PSMC1: variants seen among roughly 807,000 people sequenced by gnomAD.
The protein encoded by PSMC1 is 26S proteasome regulatory subunit 4.
In PSMC1, 5 loss-of-function variants were observed where a neutral mutation model predicts 49.8. That is an observed-to-expected ratio of 0.10 (90% CI 0.05 to 0.21). PSMC1 has a LOEUF of 0.21. Among genes scored for constraint, PSMC1 ranks in the 10% least tolerant of loss-of-function variants. PSMC1 has a pLI of 1.00. For synonymous variants in PSMC1, 155 were observed against 192.1 expected (o/e 0.81, Z 1.60); for missense variants, 181 against 535.7 (o/e 0.34, Z 6.54).
chr14:90,260,276 G>C, intron 3 of PSMC1, 65 bp downstream of exon 3: 1 of 1,222,574 alleles, frequency 8.2e-7, no homozygotes, highest in Non-Finnish European at 1.2e-6. Flanking sequence ...TGTGCATGTA[G>C]CTTAGAGTCT....
intron 1 of PSMC1, 45 bp from the exon 2 acceptor site, chr14:90,259,115 G>A: frequency 1.9e-6 from 3 of 1,587,238 alleles, no homozygotes; most frequent in Non-Finnish European, 2.6e-6. Context: ...CTTTTGAAGT[G>A]ATCATATTCT....
In PSMC1 at chr14:90,275,322, G is replaced by C. The variant is rs770997594; in HGVS notation, c.*2915G>C. The C allele has an allele frequency of 1.3e-5, 2 of 152,114 alleles. No homozygotes were observed. Among genetic ancestry groups the C allele is most frequent in the African/African-American group, 4.8e-5 (2 of 41,420 alleles). 9.4% of individuals were successfully genotyped at this position (152,114 alleles called of 1,614,324 possible). ...CCTGTTCAGTGTCTGTATCGTGGGC[G>C]GGTAGCAGACTCTCAGCAACTGACT... On this transcript the variant is annotated 3_prime_UTR_variant, in exon 11 of 11. Transcript: ENST00000261303.
Position 90,272,167 on chromosome 14 carries a change from T to G in PSMC1, c.1189-106T>G, listed in dbSNP as rs752575477. On this transcript the variant is annotated intron_variant, in intron 10 of 10. Transcript: ENST00000261303. The surrounding 1 kb of genome is among the most constrained non-coding windows in gnomAD (Gnocchi z 4.5). ...CCTCGGCCTCCCAGAGTGCTGGGATTACAGGTGTGAGCCACCGCGCCTGGC... is the reference window on the plus strand; with the variant it reads ...CCTCGGCCTCCCAGAGTGCTGGGATGACAGGTGTGAGCCACCGCGCCTGGC... 4.6e-6 allele frequency: 6 copies of G among 1,298,596 alleles called. No homozygotes were observed. Among genetic ancestry groups the G allele is most frequent in the Non-Finnish European group, 6.4e-6 (6 of 939,592 alleles). 80.4% of individuals were successfully genotyped at this position (1,298,596 alleles called of 1,614,324 possible). A position where few individuals can be genotyped will look rare whatever the true frequency, so the allele number is the denominator to read the frequency against.
intron 10 of PSMC1, chr14:90,270,893 T>G (rs1891643521): frequency 6.6e-6 from 1 of 152,314 alleles, no homozygotes; most frequent in Non-Finnish European, 1.5e-5. Context: ...AGCTGGGTTT[T>G]CGTTGGGCAT....
rs1035968029 is a variant in PSMC1, at chr14:90,270,557, G to A, written c.1188+205G>A. ...TGCATCATTTTATGCAGTGAATGAC[G>A]CTAAATCACCTGGAGCCACAAGGCT... On this transcript the variant is annotated intron_variant, in intron 10 of 10. Coordinates refer to ENST00000261303, the MANE Select transcript of PSMC1 (RefSeq NM_002802.3). 3.7e-5 allele frequency: 20 copies of A among 544,630 alleles called. No individual in the cohort carries two copies. The South Asian group carries it at 4.8e-4, about 13-fold the overall frequency. The allele number at this position is 544,630 out of a possible 1,614,324, so 33.7% of individuals were successfully genotyped here.
In PSMC1 at chr14:90,272,155, G is replaced by C; in HGVS notation, c.1189-118G>C. Reference sequence around the variant, plus strand: ...GCGATCCACCTGCCTCGGCCTCCCAGAGTGCTGGGATTACAGGTGTGAGCC... The same window carrying C: ...GCGATCCACCTGCCTCGGCCTCCCACAGTGCTGGGATTACAGGTGTGAGCC... On this transcript the variant is annotated intron_variant, in intron 10 of 10. Transcript: ENST00000261303. This position sits in a 1 kb window ranked among gnomAD's most constrained non-coding sequence, Gnocchi z 4.5. 8.7e-7 allele frequency: 1 copy of C among 1,146,298 alleles called. No individual in the cohort carries two copies. The highest frequency in any genetic ancestry group is 1.2e-6 in the Non-Finnish European group (1 of 815,450). The allele number at this position is 1,146,298 out of a possible 1,614,324, so 71.0% of individuals were successfully genotyped here.
Position 90,269,496 on chromosome 14 carries a change from TATC to T in PSMC1, c.984_986del (p.Ile328del). 6.2e-7 allele frequency: 1 copy of T among 1,614,026 alleles called. No homozygotes were observed. Among genetic ancestry groups the T allele is most frequent in the Non-Finnish European group, 8.5e-7 (1 of 1,179,972 alleles). ...TTGATTCTAGGGGAGATGTGAAAGT[TATC>T]ATGGCCACAAACCGAATAGAAACTT... On this transcript the variant is annotated inframe_deletion, in exon 9 of 11. Coordinates refer to ENST00000261303, the MANE Select transcript of PSMC1 (RefSeq NM_002802.3).
At chr14:90,264,692 GA>G (rs1246699183) in intron 6 of PSMC1, among the ~76,000 whole-genome samples, 1 of 152,236 alleles carries the variant, frequency 6.6e-6, no homozygotes, top group East Asian at 1.9e-4. Context: ...AGGCAGCTGA[GA>G]AATAGCTGTA....
Position 90,274,834 on chromosome 14 carries a change from A to ACCCC in PSMC1, c.*2428_*2429insCCCC, listed in dbSNP as rs1374244227. 1.1e-4 allele frequency: 6 copies of ACCCC among 54,354 alleles called. No homozygotes were observed. The East Asian group carries it at 2.4e-3, about 22-fold the overall frequency. The allele number at this position is 54,354 out of a possible 1,614,324, so 3.4% of individuals were successfully genotyped here. On this transcript the variant is annotated 3_prime_UTR_variant, in exon 11 of 11. Transcript: ENST00000261303. ...CACACACACACACACACACACACAC[A>ACCCC]CACACCCCAATACATATGAATTGAT...
intron 6 of PSMC1, 21 bp from the exon 7 acceptor site, chr14:90,265,049 C>T (rs746729542): frequency 4.4e-5 from 68 of 1,541,228 alleles, no homozygotes; most frequent in Non-Finnish European, 5.9e-5. Flanking sequence ...TAAAGCCTTT[C>T]ATTCATACTG....
rs1030766755 is a variant in PSMC1, at chr14:90,260,195, C to T, written c.138C>T (p.Ala46=). The T allele has an allele frequency of 4.5e-5, 73 of 1,609,248 alleles. No individual in the cohort carries two copies. The highest frequency in any genetic ancestry group is 6.7e-5 in the Admixed American group (4 of 59,732). ...AGAAAACAAAGGGACCAGATGCTGC[C>T]AGCAAACTGCCACTGGGTAATGACA... The part of the protein sequence containing the change: ...KKKKTKGPDA[A]SKLPLVTPHT... The change falls in exon 3 of 11, where the codon GCC becomes GCT. Residue 46 remains alanine, a synonymous_variant. Coordinates refer to ENST00000261303, the MANE Select transcript of PSMC1 (RefSeq NM_002802.3).
Position 90,270,244 on chromosome 14 carries a change from G to C in PSMC1, c.1080G>C (p.Thr360=), listed in dbSNP as rs781271442. The change falls in exon 10 of 11, where the codon ACG becomes ACC. Residue 360 remains threonine, a synonymous_variant. Coordinates refer to ENST00000261303, the MANE Select transcript of PSMC1 (RefSeq NM_002802.3). ...AGTTCCCCCTGCCTGATGAAAAGAC[G>C]AAGAAGCGCATCTTTCAGATTCACA... ...KIEFPLPDEK[T]KKRIFQIHTS... is the part of the protein sequence containing the mutation. 2.5e-6 allele frequency: 4 copies of C among 1,613,670 alleles called. No individual in the cohort carries two copies. Among genetic ancestry groups the C allele is most frequent in the Non-Finnish European group, 1.7e-6 (2 of 1,179,842 alleles).
chr14:90,263,924 G>A, intron 5 of PSMC1, 77 bp downstream of exon 5: 1 of 1,590,948 alleles, frequency 6.3e-7, no homozygotes, highest in Non-Finnish European at 8.6e-7. Flanking sequence ...CTGTCCCGTG[G>A]AAGTAGATCA....
In PSMC1 at chr14:90,275,187, A is replaced by C. The variant is rs1891776859; in HGVS notation, c.*2780A>C. On this transcript the variant is annotated 3_prime_UTR_variant, in exon 11 of 11. Transcript: ENST00000261303. ...TCAAAAAGCTTCCAATCAGAAGGAG[A>C]CCAAAGAGATGACAACCAAGTGCAG... 1 of 152,140 alleles carries C rather than the reference A, an allele frequency of 6.6e-6. No homozygotes were observed. Among genetic ancestry groups the C allele is most frequent in the Non-Finnish European group, 1.5e-5 (1 of 68,034 alleles). 9.4% of individuals were successfully genotyped at this position (152,140 alleles called of 1,614,324 possible).
intron 3 of PSMC1, among the ~76,000 whole-genome samples, chr14:90,261,473 T>TATC (rs1891396652): frequency 6.6e-6 from 1 of 152,192 alleles, no homozygotes; most frequent in African/African-American, 2.4e-5. Context: ...CCAAAACCAG[T>TATC]CATGTTACAT....
rs1891707071 is a variant in PSMC1 at position 90,272,933 on chromosome 14, G to C, written c.*526G>C. The C allele has an allele frequency of 6.6e-6, 1 of 152,320 alleles. No individual in the cohort carries two copies. Among genetic ancestry groups the C allele is most frequent in the Non-Finnish European group, 1.5e-5 (1 of 68,126 alleles). 9.4% of individuals were successfully genotyped at this position (152,320 alleles called of 1,614,324 possible). A position where few individuals can be genotyped will look rare whatever the true frequency, so the allele number is the denominator to read the frequency against. ...GTTTTGTGGACCATGCATGTTCTTA[G>C]CACTCTGAGGGCAGAAAATAACTAC... On this transcript the variant is annotated 3_prime_UTR_variant, in exon 11 of 11. Coordinates refer to ENST00000261303, the MANE Select transcript of PSMC1 (RefSeq NM_002802.3). The surrounding 1 kb of genome is among the most constrained non-coding windows in gnomAD (Gnocchi z 4.5).
At chr14:90,270,097 G>T in intron 9 of PSMC1, 101 bp from the exon 10 acceptor site, 1 of 1,257,446 alleles carries the variant, frequency 8.0e-7, no homozygotes, top group African/African-American at 1.5e-5. Context: ...AATTCTGTCC[G>T]ACTGAAACTT....
At chr14:90,266,921 C>G (rs919493079) in intron 7 of PSMC1, among the ~76,000 whole-genome samples, 4 of 152,252 alleles carry the variant, frequency 2.6e-5, no homozygotes, top group Admixed American at 1.3e-4. Flanking sequence ...CATCCCATTT[C>G]TGGAAAGTCT....
At chr14:90,257,737 C>T (rs540341074) in intron 1 of PSMC1, among the ~76,000 whole-genome samples, 8 of 151,970 alleles carry the variant, frequency 5.3e-5, no homozygotes, top group Non-Finnish European at 1.0e-4. Flanking sequence ...CGACTATAGG[C>T]GCCCGCCACT....
Sources: gnomAD v4.1 joint callset for allele counts (sites outside exome capture counted in the v4.1 genomes callset) on GRCh38, gnomAD v4.1.1 for gene constraint, Gnocchi (gnomAD v3.1) non-coding constraint, MANE v1.5 for transcripts, NCBI Gene and HGNC (gene_info 2026-07-23, HGNC 2026-07-21) for gene names.